The following NTRK2 variants were observed in gnomAD, a reference collection of about 807,000 sequenced individuals.
NTRK2 encodes the protein neurotrophic receptor tyrosine kinase 2.
NTRK2 carries 13 observed loss-of-function variants against 94.5 expected under a neutral mutation model. The observed-to-expected ratio is 0.14, with a 90% CI of 0.09 to 0.22. The LOEUF (loss-of-function observed/expected upper bound fraction) is 0.22. NTRK2 is among the 10% of genes least tolerant of loss of function. The pLI is 1.00. For missense variants in NTRK2, 639 were observed against 1,071.2 expected, an observed-to-expected ratio of 0.60 and a Z score of 5.63; for synonymous variants, 372 against 407.4, an observed-to-expected ratio of 0.91 and a Z score of 1.05.
intron 2 of NTRK2, among the ~76,000 whole-genome samples, chr9:84,690,392 T>G (rs1198341211): frequency 6.6e-6 from 1 of 152,202 alleles, no homozygotes; most frequent in Non-Finnish European, 1.5e-5. Context: ...AAAACTGTGT[T>G]CTGCTGTGAT....
At chr9:84,758,841 A>G (rs2065299715) in intron 12 of NTRK2, among the ~76,000 whole-genome samples, 1 of 152,254 alleles carries the variant, frequency 6.6e-6, no homozygotes, top group Admixed American at 6.5e-5. Context: ...AAAGCCACTA[A>G]TAAAGCAAAA....
At chr9:84,797,981 T>A (rs575437071) in intron 12 of NTRK2, among the ~76,000 whole-genome samples, 1 of 147,530 alleles carries the variant, frequency 6.8e-6, no homozygotes, top group South Asian at 2.1e-4. Context: ...TCAGGACTCC[T>A]GGGTATGAGC....
chr9:84,943,905 G>A (rs1002358392), intron 15 of NTRK2, among the ~76,000 whole-genome samples: 4 of 152,000 alleles, frequency 2.6e-5, no homozygotes, highest in African/African-American at 9.7e-5. Flanking sequence ...TGCCCAAGTT[G>A]TTACCACCAT....
rs1833004075 is a variant in NTRK2 at position 85,025,790 on chromosome 9, A to G, written c.*4353A>G. 2 of 232,928 alleles carry G rather than the reference A, an allele frequency of 8.6e-6. No individual in the cohort carries two copies. Among genetic ancestry groups the G allele is most frequent in the South Asian group, 1.8e-4 (1 of 5,528 alleles). 14.4% of individuals were successfully genotyped at this position (232,928 alleles called of 1,614,324 possible). A position where few individuals can be genotyped will look rare whatever the true frequency, so the allele number is the denominator to read the frequency against. On this transcript the variant is annotated 3_prime_UTR_variant, in exon 19 of 19. Coordinates refer to ENST00000277120, the MANE Select transcript of NTRK2 (RefSeq NM_006180.6). ...TCATGAGAGGAATGGCTAGTGACCC[A>G]ACTCTCCAAATGTCTAAGTTAGTAG...
At chr9:84,698,504 A>G (rs2060527669) in intron 2 of NTRK2, among the ~76,000 whole-genome samples, 1 of 152,148 alleles carries the variant, frequency 6.6e-6, no homozygotes, top group South Asian at 2.1e-4. Context: ...TACTGATCAT[A>G]TTACAATGAC....
chr9:84,902,248 G>A (rs1181319174), intron 14 of NTRK2, among the ~76,000 whole-genome samples: 2 of 151,400 alleles, frequency 1.3e-5, no homozygotes, highest in African/African-American at 4.9e-5. Flanking sequence ...CAATACTATT[G>A]GTGTTTTCCA....
At chr9:84,683,592 G>T (rs1358233257) in intron 2 of NTRK2, among the ~76,000 whole-genome samples, 2 of 152,058 alleles carry the variant, frequency 1.3e-5, no homozygotes, top group Non-Finnish European at 2.9e-5. Context: ...GTCTATCATT[G>T]ATGGGCATTT....
intron 12 of NTRK2, chr9:84,814,486 A>C (rs200065721): frequency 1.0e-5 from 11 of 1,065,708 alleles, no homozygotes; most frequent in Non-Finnish European, 1.3e-5. Context: ...CCCATGACCA[A>C]CTGAGAATTT....
At chr9:84,685,896 A>G (rs1356185105) in intron 2 of NTRK2, among the ~76,000 whole-genome samples, 7 of 152,236 alleles carry the variant, frequency 4.6e-5, no homozygotes, top group Non-Finnish European at 4.4e-5. Flanking sequence ...ACACACCGTT[A>G]GGACATAAAC....
At chr9:84,982,462 A>G (rs1827749794) in intron 17 of NTRK2, among the ~76,000 whole-genome samples, 1 of 152,190 alleles carries the variant, frequency 6.6e-6, no homozygotes, top group Admixed American at 6.5e-5. Flanking sequence ...TATGGTCAAA[A>G]GACTCCATTG....
chr9:84,697,690 A>G (rs564950542), intron 2 of NTRK2, among the ~76,000 whole-genome samples: 284 of 152,278 alleles, frequency 1.9e-3, no homozygotes, highest in Non-Finnish European at 3.3e-3. Context: ...TCCTGGAGGC[A>G]GGTGGAAGTC....
At chr9:84,856,765 G>A (rs2075085946) in intron 12 of NTRK2, among the ~76,000 whole-genome samples, 1 of 152,176 alleles carries the variant, frequency 6.6e-6, no homozygotes, top group African/African-American at 2.4e-5. Flanking sequence ...GGGATGGAGG[G>A]TGGTGAGTCT....
intron 16 of NTRK2, among the ~76,000 whole-genome samples, chr9:84,950,872 T>A (rs2078757629): frequency 6.6e-6 from 1 of 152,316 alleles, no homozygotes; most frequent in African/African-American, 2.4e-5. Context: ...TTGAGAGATC[T>A]GAAATCCTGG....
At chr9:84,823,584 C>T (rs917834142) in intron 12 of NTRK2, among the ~76,000 whole-genome samples, 3 of 152,228 alleles carry the variant, frequency 2.0e-5, no homozygotes, top group South Asian at 4.1e-4. Context: ...TCCTGGGCGT[C>T]AGTAGCTGGG....
chr9:84,742,487 G>A (rs2063721408), intron 10 of NTRK2, among the ~76,000 whole-genome samples: 1 of 152,148 alleles, frequency 6.6e-6, no homozygotes, highest in Non-Finnish European at 1.5e-5. Context: ...TGTGGCGGGG[G>A]AGCTGCTGCC....
At chr9:84,914,821 C>A (rs973565415) in intron 14 of NTRK2, among the ~76,000 whole-genome samples, 1 of 152,186 alleles carries the variant, frequency 6.6e-6, no homozygotes, top group Non-Finnish European at 1.5e-5. Context: ...CCAGGGAATT[C>A]ACCACCATGT....
intron 2 of NTRK2, among the ~76,000 whole-genome samples, chr9:84,679,228 A>G (rs889883200): frequency 6.6e-6 from 1 of 152,180 alleles, no homozygotes; most frequent in Non-Finnish European, 1.5e-5. Context: ...ACTAAGGTAC[A>G]TGGGTTTGGC....
At chr9:84,812,721 G>T in intron 12 of NTRK2, 5 of 1,041,192 alleles carry the variant, frequency 4.8e-6, no homozygotes, top group Non-Finnish European at 4.6e-6. Context: ...GAAAGGCTAT[G>T]GATTGTTTAA....
chr9:84,904,222 T>C (rs989015728), intron 14 of NTRK2, among the ~76,000 whole-genome samples: 8 of 152,248 alleles, frequency 5.3e-5, no homozygotes, highest in African/African-American at 1.9e-4. Flanking sequence ...TACAATGCTG[T>C]AAAAGGTTTA....
Sources: allele counts gnomAD v4.1 joint callset (sites outside exome capture counted in the v4.1 genomes callset), GRCh38; gene constraint gnomAD v4.1.1; transcripts MANE v1.5; gene names NCBI Gene and HGNC (gene_info 2026-07-23, HGNC 2026-07-21).